The following CFAP54 variants were observed in gnomAD, a reference collection of about 807,000 sequenced individuals.
CFAP54 encodes cilia- and flagella-associated protein 54.
Under a neutral mutation model 370.4 loss-of-function variants are expected in CFAP54, and 290 were observed. That is an observed-to-expected ratio of 0.78 (90% confidence interval 0.71 to 0.86). The LOEUF (loss-of-function observed/expected upper bound fraction) is 0.86. Among genes scored for constraint, CFAP54 ranks in the 40% least tolerant of loss-of-function variants. The pLI is 0.00. For synonymous variants in CFAP54, 1,206 were observed against 1,236.5 expected (o/e 0.98, Z 0.52); for missense variants, 3,399 against 3,528.7 (o/e 0.96, Z 0.93).
At chr12:96,786,983 T>C in intron 62 of CFAP54, 85 bp downstream of exon 62, 1 of 1,008,980 alleles carries the variant, frequency 9.9e-7, no homozygotes, top group Non-Finnish European at 1.4e-6. Context: ...TTAGCTTCCA[T>C]GCTGGCACAG....
At chr12:96,871,662 T>A (rs559998532) in intron 67 of CFAP54, among the ~76,000 whole-genome samples, 2 of 152,218 alleles carry the variant, frequency 1.3e-5, no homozygotes, top group East Asian at 3.9e-4. Flanking sequence ...TGAAAAAGAT[T>A]GCTATAATGG....
At chr12:96,496,734 C>G (rs1247512923) in intron 1 of CFAP54, among the ~76,000 whole-genome samples, 3 of 152,014 alleles carry the variant, frequency 2.0e-5, no homozygotes, top group Non-Finnish European at 2.9e-5. Flanking sequence ...TCAGTCTTAT[C>G]TAGAAATTTA....
intron 55 of CFAP54, among the ~76,000 whole-genome samples, chr12:96,750,486 A>G (rs532190113): frequency 2.6e-5 from 4 of 152,350 alleles, no homozygotes; most frequent in African/African-American, 9.6e-5. Context: ...ATAACTTGAC[A>G]TAAATTACTT....
chr12:96,820,854 CA>C (rs1259792108), intron 65 of CFAP54, among the ~76,000 whole-genome samples: 1 of 152,008 alleles, frequency 6.6e-6, no homozygotes, highest in Non-Finnish European at 1.5e-5. Context: ...GTTTTTAAGC[CA>C]CATACCAAAT....
chr12:96,711,081 CTCTT>C (rs1957608376), intron 48 of CFAP54, among the ~76,000 whole-genome samples: 1 of 152,172 alleles, frequency 6.6e-6, no homozygotes. Flanking sequence ...GCAATTCAAT[CTCTT>C]TACTTGTAGT....
At chr12:96,596,797 A>G (rs986878169) in intron 25 of CFAP54, among the ~76,000 whole-genome samples, 1 of 152,154 alleles carries the variant, frequency 6.6e-6, no homozygotes, top group Non-Finnish European at 1.5e-5. Context: ...GGGCAAGTAT[A>G]TATACATGTA....
chr12:96,550,472 G>T (rs1321607434), intron 15 of CFAP54, among the ~76,000 whole-genome samples: 2 of 152,180 alleles, frequency 1.3e-5, no homozygotes, highest in African/African-American at 4.8e-5. Context: ...AGCTACTTGG[G>T]AGGCTGAGGT....
chr12:96,811,873 TTTG>T, intron 64 of CFAP54, 31 bp downstream of exon 64: 1 of 1,276,262 alleles, frequency 7.8e-7, no homozygotes, highest in Non-Finnish European at 1.1e-6. Flanking sequence ...TCGAATTGTC[TTTG>T]TTGTTATCTC....
intron 8 of CFAP54, among the ~76,000 whole-genome samples, chr12:96,527,043 A>T (rs569308307): frequency 6.6e-6 from 1 of 152,006 alleles, no homozygotes; most frequent in African/African-American, 2.4e-5. Flanking sequence ...CTACAAGCAC[A>T]TTCCAACATG....
At chr12:96,573,140 A>G (rs1194702630) in intron 19 of CFAP54, 1 of 706,394 alleles carries the variant, frequency 1.4e-6, no homozygotes. Context: ...GAGGAAGGAT[A>G]TGTCTCCAAA....
intron 63 of CFAP54, among the ~76,000 whole-genome samples, chr12:96,808,716 A>G (rs1958904933): frequency 6.6e-6 from 1 of 152,198 alleles, no homozygotes; most frequent in Non-Finnish European, 1.5e-5. Context: ...GCTGCCAATC[A>G]TTAGTATGCA....
intron 55 of CFAP54, among the ~76,000 whole-genome samples, chr12:96,752,085 T>TAAGAGAGAGA (rs1378500964): frequency 2.2e-5 from 2 of 90,624 alleles, no homozygotes; most frequent in African/African-American, 7.8e-5. Context: ...TCTTCCTGGA[T>TAAGAGAGAGA]GAGAGAGAGA....
chr12:96,673,051 G>A (rs546841162), intron 39 of CFAP54, among the ~76,000 whole-genome samples: 11 of 152,242 alleles, frequency 7.2e-5, no homozygotes, highest in African/African-American at 1.9e-4. Flanking sequence ...TCTCAATGGC[G>A]GTAGAGGCAC....
chr12:96,828,099 G>T (rs1959148779), intron 65 of CFAP54, among the ~76,000 whole-genome samples: 1 of 135,664 alleles, frequency 7.4e-6, no homozygotes, highest in African/African-American at 2.8e-5. Context: ...TATCAGAAAA[G>T]CAAATTTTTG....
intron 32 of CFAP54, among the ~76,000 whole-genome samples, chr12:96,641,235 AAAAC>A (rs1176324060): frequency 2.6e-5 from 4 of 152,348 alleles, no homozygotes; most frequent in South Asian, 2.1e-4. Flanking sequence ...TTACAAGAAA[AAAAC>A]AAACAACACC....
At chr12:96,788,022 T>C (rs1031129229) in intron 62 of CFAP54, among the ~76,000 whole-genome samples, 1 of 151,814 alleles carries the variant, frequency 6.6e-6, no homozygotes, top group Non-Finnish European at 1.5e-5. Flanking sequence ...GTTCAAGCGA[T>C]TGTCCTGTCT....
At chr12:96,784,566 G>A (rs1032974760) in intron 60 of CFAP54, 151 bp from the exon 61 acceptor site, 1 of 454,272 alleles carries the variant, frequency 2.2e-6, no homozygotes, top group East Asian at 3.6e-5. Context: ...TTGGTGTTTG[G>A]TGTCTGCATG....
chr12:96,636,101 C>T (rs1956661853), intron 32 of CFAP54, among the ~76,000 whole-genome samples: 1 of 152,144 alleles, frequency 6.6e-6, no homozygotes, highest in African/African-American at 2.4e-5. Context: ...CCTGAGTCGC[C>T]TCCTTAGCAT....
chr12:96,507,438 C>G (rs1955115439), intron 4 of CFAP54, among the ~76,000 whole-genome samples: 1 of 151,982 alleles, frequency 6.6e-6, no homozygotes, highest in Non-Finnish European at 1.5e-5. Flanking sequence ...CATTTACTGG[C>G]CCTGTCCTCA....
Sources: allele counts gnomAD v4.1 joint callset (sites outside exome capture counted in the v4.1 genomes callset), GRCh38; gene constraint gnomAD v4.1.1; transcripts MANE v1.5; gene names NCBI Gene and HGNC (gene_info 2026-07-23, HGNC 2026-07-21).